Variants in ST6GALNAC5 observed in about 807,000 individuals in gnomAD.
The protein encoded by ST6GALNAC5 is ST6 N-acetylgalactosaminide alpha-2,6-sialyltransferase 5.
In ST6GALNAC5, 27 loss-of-function variants were observed where a neutral mutation model predicts 33.6. The ratio of observed to expected loss-of-function variants is 0.80; its 90% CI spans 0.59 to 1.11. The LOEUF (loss-of-function observed/expected upper bound fraction) is 1.11, where lower values mean the gene tolerates loss of function less well. Among genes scored for constraint, ST6GALNAC5 ranks in the 50% least tolerant of loss-of-function variants. The pLI is 0.00. For synonymous variants in ST6GALNAC5, 194 were observed against 171.2 expected (o/e 1.13, Z -1.04); for missense variants, 428 against 454.0 (o/e 0.94, Z 0.52).
chr1:77,002,840 A>G (rs201470204), intron 2 of ST6GALNAC5, among the ~76,000 whole-genome samples: 1 of 119,838 alleles, frequency 8.3e-6, no homozygotes, highest in African/African-American at 3.3e-5. Context: ...GTTTGATTGC[A>G]CTGTGGTCTG....
chr1:76,945,444 G>T (rs1201087744), intron 2 of ST6GALNAC5, among the ~76,000 whole-genome samples: 1 of 151,994 alleles, frequency 6.6e-6, no homozygotes, highest in Admixed American at 6.6e-5. Context: ...ATGAACCAAA[G>T]TCATAAATCA....
Position 76,969,682 on chromosome 1 carries a change from C to T in ST6GALNAC5, c.262-74522C>T, listed in dbSNP as rs139761052. Among the ~76,000 whole-genome samples the T allele has an allele frequency of 2.2e-4, 33 of 152,272 alleles. No individual in the cohort carries two copies. The East Asian group carries it at 6.0e-3, about 28-fold the overall frequency. On this transcript the variant is annotated intron_variant, in intron 2 of 4. Transcript: ENST00000477717. ...GCCCTAAAGAGAGCAGTGGTTCTCC[C>T]AGCATGGTGTTTGAGCTCAGAGAAC...
intron 2 of ST6GALNAC5, among the ~76,000 whole-genome samples, chr1:76,913,594 GT>G (rs2100284866): frequency 6.6e-6 from 1 of 152,114 alleles, no homozygotes; most frequent in South Asian, 2.1e-4. Context: ...ATAGTCTCAT[GT>G]TTCTTGGAGG....
chr1:76,909,567 G>A (rs867581061), intron 2 of ST6GALNAC5, among the ~76,000 whole-genome samples: 2 of 151,898 alleles, frequency 1.3e-5, no homozygotes, highest in Non-Finnish European at 2.9e-5. Context: ...GGCAAGACAC[G>A]GTCTTAGATC....
chr1:77,007,350 G>A (rs1227224155), intron 2 of ST6GALNAC5, among the ~76,000 whole-genome samples: 1 of 152,196 alleles, frequency 6.6e-6, no homozygotes, highest in African/African-American at 2.4e-5. Flanking sequence ...CTCTCCATTT[G>A]AGGGTTCATT....
intron 2 of ST6GALNAC5, among the ~76,000 whole-genome samples, chr1:76,993,664 C>T (rs565388824): frequency 3.5e-4 from 54 of 152,158 alleles, no homozygotes; most frequent in Non-Finnish European, 6.6e-4. Context: ...ATTTGCAAAG[C>T]CCGACTCTGC....
At chr1:76,968,442 C>T (rs990543889) in intron 2 of ST6GALNAC5, among the ~76,000 whole-genome samples, 1 of 152,140 alleles carries the variant, frequency 6.6e-6, no homozygotes, top group Non-Finnish European at 1.5e-5. Flanking sequence ...GGTAGATCTT[C>T]CTCCATCCCT....
At chr1:77,020,726 A>G (rs1651020378) in intron 2 of ST6GALNAC5, among the ~76,000 whole-genome samples, 1 of 152,158 alleles carries the variant, frequency 6.6e-6, no homozygotes, top group South Asian at 2.1e-4. Flanking sequence ...TACTGAATGC[A>G]CCTAGTAACA....
chr1:77,063,340 C>A lies in ST6GALNAC5; in HGVS notation c.*134C>A, dbSNP rs1652659505. On this transcript the variant is annotated 3_prime_UTR_variant, in exon 5 of 5. Transcript: ENST00000477717. Reference sequence around the variant, plus strand: ...CCTCAGGAAGTACCATGGACAGACGCCTACCAGGGGTGACAAAGCAGTGCA... The same window carrying A: ...CCTCAGGAAGTACCATGGACAGACGACTACCAGGGGTGACAAAGCAGTGCA... The A allele has an allele frequency of 2.7e-6, 2 of 749,050 alleles. No homozygotes were observed. Among genetic ancestry groups the A allele is most frequent in the East Asian group, 5.4e-5 (2 of 37,156 alleles). The allele number at this position is 749,050 out of a possible 1,614,324, so 46.4% of individuals were successfully genotyped here.
intron 2 of ST6GALNAC5, among the ~76,000 whole-genome samples, chr1:76,951,135 G>T (rs771182062): frequency 6.6e-6 from 1 of 152,188 alleles, no homozygotes; most frequent in East Asian, 1.9e-4. Context: ...AGTTGTAATA[G>T]GCCATTGATT....
intron 2 of ST6GALNAC5, among the ~76,000 whole-genome samples, chr1:77,030,964 T>C (rs1388648168): frequency 4.6e-5 from 7 of 152,172 alleles, no homozygotes; most frequent in African/African-American, 1.7e-4. Context: ...GTCTGGGCAG[T>C]CTGCCTAAGA....
chr1:77,037,491 A>G (rs995801867), intron 2 of ST6GALNAC5, among the ~76,000 whole-genome samples: 1 of 152,214 alleles, frequency 6.6e-6, no homozygotes, highest in African/African-American at 2.4e-5. Flanking sequence ...CTCAAAACTC[A>G]GTATCACACA....
chr1:76,895,770 C>A (rs145166941), intron 2 of ST6GALNAC5, among the ~76,000 whole-genome samples: 5 of 151,856 alleles, frequency 3.3e-5, no homozygotes, highest in Non-Finnish European at 5.9e-5. Flanking sequence ...TATGACTAGA[C>A]AGAAGATAGT....
Position 76,868,675 on chromosome 1 carries a change from A to C in ST6GALNAC5, c.194A>C (p.Gln65Pro). The change falls in exon 2 of 5, where the codon CAG (glutamine) becomes CCG (proline). Residue 65 changes from glutamine to proline, a missense_variant. Gln to Pro is a moderately conservative substitution (Grantham distance 76). Transcript: ENST00000477717. This position sits in a 1 kb window ranked among gnomAD's most constrained non-coding sequence, Gnocchi z 4.3. ...SSQPAAESST[Q>P]QRPGVPAGPR... is the part of the protein sequence containing the mutation. ...CAGCCGGCGGCGGAGAGCAGCACCCAGCAGCGCCCCGGGGTCCCCGCGGGA... is the reference window on the plus strand; with the variant it reads ...CAGCCGGCGGCGGAGAGCAGCACCCCGCAGCGCCCCGGGGTCCCCGCGGGA... The C allele has an allele frequency of 6.4e-7, 1 of 1,568,208 alleles. No individual in the cohort carries two copies. The highest frequency in any genetic ancestry group is 1.4e-5 in the African/African-American group (1 of 73,702).
At chr1:76,873,431 G>A (rs978587546) in intron 2 of ST6GALNAC5, among the ~76,000 whole-genome samples, 3 of 152,118 alleles carry the variant, frequency 2.0e-5, no homozygotes, top group Admixed American at 2.0e-4. Flanking sequence ...TGTACATCTT[G>A]TTGACCAGTT....
intron 2 of ST6GALNAC5, among the ~76,000 whole-genome samples, chr1:76,932,594 C>A (rs1647155979): frequency 6.6e-6 from 1 of 152,012 alleles, no homozygotes; most frequent in Non-Finnish European, 1.5e-5. Context: ...TTCACCAAAT[C>A]TGAAAGTAAT....
At chr1:76,958,223 T>A (rs1387722269) in intron 2 of ST6GALNAC5, among the ~76,000 whole-genome samples, 1 of 152,200 alleles carries the variant, frequency 6.6e-6, no homozygotes, top group Non-Finnish European at 1.5e-5. Context: ...CCCAGTCTTT[T>A]CAACTCTCGC....
At chr1:76,965,968 A>G (rs997922469) in intron 2 of ST6GALNAC5, among the ~76,000 whole-genome samples, 1 of 152,058 alleles carries the variant, frequency 6.6e-6, no homozygotes, top group African/African-American at 2.4e-5. Flanking sequence ...TGGTCTATAT[A>G]TCTGTTTTGG....
rs1401847776 is a variant in ST6GALNAC5, at chr1:76,868,730, G to T, written c.249G>T (p.Val83=). The T allele has an allele frequency of 6.6e-7, 1 of 1,510,118 alleles. No individual in the cohort carries two copies. The highest frequency in any genetic ancestry group is 8.8e-7 in the Non-Finnish European group (1 of 1,132,128). 93.5% of individuals were successfully genotyped at this position (1,510,118 alleles called of 1,614,324 possible). A position where few individuals can be genotyped will look rare whatever the true frequency, so the allele number is the denominator to read the frequency against. ...GPRPLDGYLG[V]ADHKPLKMHC... Reference sequence around the variant, plus strand: ...GGCCACTGGACGGATACCTCGGAGTGGCGGACCACAAGGTGACAGCATGCC... The same window carrying T: ...GGCCACTGGACGGATACCTCGGAGTTGCGGACCACAAGGTGACAGCATGCC... Residue 83 remains valine, a synonymous_variant, in exon 2 of 5, where the codon GTG becomes GTT. Transcript: ENST00000477717. This position sits in a 1 kb window ranked among gnomAD's most constrained non-coding sequence, Gnocchi z 4.3.
Sources: allele counts gnomAD v4.1 joint callset (sites outside exome capture counted in the v4.1 genomes callset), GRCh38; gene constraint gnomAD v4.1.1; non-coding constraint Gnocchi (gnomAD v3.1); transcripts MANE v1.5; gene names NCBI Gene and HGNC (gene_info 2026-07-23, HGNC 2026-07-21).